C2orf92: variants seen among roughly 807,000 people sequenced by gnomAD.
C2orf92 encodes the protein uncharacterized protein C2orf92.
upstream of C2orf92, among the ~76,000 whole-genome samples, chr2:97,666,699 C>T (rs980148326): frequency 5.9e-5 from 9 of 151,394 alleles, no homozygotes; most frequent in South Asian, 2.1e-4. Context: ...AAAAATTAGC[C>T]GGGCATGATG....
chr2:97,691,683 G>A (rs747994437), intron 5 of C2orf92, among the ~76,000 whole-genome samples: 24 of 152,216 alleles, frequency 1.6e-4, no homozygotes, highest in Non-Finnish European at 2.5e-4. Context: ...GCATCAGCCG[G>A]AGGTCAGGGT....
intron 5 of C2orf92, among the ~76,000 whole-genome samples, chr2:97,691,876 G>A (rs188975059): frequency 2.6e-5 from 4 of 152,206 alleles, no homozygotes; most frequent in African/African-American, 4.8e-5. Flanking sequence ...CAACAAGAGC[G>A]AAACTCCGTG....
chr2:97,686,928 G>A (rs1039088720), intron 3 of C2orf92, among the ~76,000 whole-genome samples: 3 of 152,136 alleles, frequency 2.0e-5, no homozygotes, highest in African/African-American at 7.2e-5. Context: ...TGAGGTGGGA[G>A]GATCATTTGA....
At chr2:97,665,301 A>G (rs1313090141), upstream of C2orf92, among the ~76,000 whole-genome samples, 1 of 152,240 alleles carries the variant, frequency 6.6e-6, no homozygotes, top group Non-Finnish European at 1.5e-5. Flanking sequence ...ACAAGTGTAC[A>G]TGTACATTTC....
rs1675662469 is a variant in C2orf92 at position 97,678,682 on chromosome 2, G to A, written c.232+2754G>A. ...TTCAAAGTTCTGAAAGAAAAATAAT[G>A]TAATCAGCAGGGCATGGTGGCTCAT... On this transcript the variant is annotated intron_variant, in intron 3 of 7. Transcript: ENST00000627399. 5.9e-5 allele frequency among the ~76,000 whole-genome samples: 9 copies of A among 151,900 alleles called. No individual in the cohort carries two copies. In the South Asian group the frequency reaches 1.9e-3, roughly 32 times the overall value.
At chr2:97,701,021 G>A (rs995227662) in intron 6 of C2orf92, 133 bp from the exon 7 acceptor site, 10 of 377,022 alleles carry the variant, frequency 2.7e-5, no homozygotes, top group African/African-American at 1.5e-4. Flanking sequence ...GTGAGCCACC[G>A]CGCCCGGCCG....
upstream of C2orf92, chr2:97,663,948 G>A (rs1573188310): frequency 1.0e-6 from 1 of 996,302 alleles, no homozygotes; most frequent in Non-Finnish European, 1.3e-6. Flanking sequence ...CGGATGGGCG[G>A]GCGGGCGGGA....
intron 4 of C2orf92, 79 bp from the exon 5 acceptor site, chr2:97,690,177 A>C: frequency 7.7e-6 from 3 of 387,492 alleles, no homozygotes; most frequent in Non-Finnish European, 1.4e-5. Flanking sequence ...AATACAAAAT[A>C]TGGGCCCAAG....
chr2:97,671,414 T>G (rs1675408235), intron 1 of C2orf92: 1 of 398,358 alleles, frequency 2.5e-6, no homozygotes, highest in Non-Finnish European at 4.4e-6. Flanking sequence ...CCCCGAGTGC[T>G]GGGATTAAAG....
At chr2:97,686,688 G>C (rs1014814205) in intron 3 of C2orf92, among the ~76,000 whole-genome samples, 3 of 152,012 alleles carry the variant, frequency 2.0e-5, no homozygotes, top group African/African-American at 7.2e-5. Context: ...AAAGTGTTGG[G>C]ATTACAGGCA....
chr2:97,686,146 G>T (rs897883041), intron 3 of C2orf92, among the ~76,000 whole-genome samples: 13 of 152,234 alleles, frequency 8.5e-5, no homozygotes, highest in Admixed American at 4.6e-4. Context: ...TGCCATAGAG[G>T]TGGAAAGCGG....
chr2:97,687,447 G>A (rs913257168), intron 3 of C2orf92, among the ~76,000 whole-genome samples: 4 of 152,138 alleles, frequency 2.6e-5, no homozygotes, highest in South Asian at 2.1e-4. Flanking sequence ...CAAAGCCAAG[G>A]CCCAAGGAAG....
chr2:97,692,407 C>CTTTT (rs755849117), intron 5 of C2orf92, among the ~76,000 whole-genome samples: 134 of 119,330 alleles, frequency 1.1e-3, no homozygotes, highest in Middle Eastern at 4.4e-3. Context: ...AGTTTTACTT[C>CTTTT]TTTTTTTTTT....
At chr2:97,689,935 C>A (rs1676072876) in intron 4 of C2orf92, among the ~76,000 whole-genome samples, 1 of 152,086 alleles carries the variant, frequency 6.6e-6, no homozygotes, top group Non-Finnish European at 1.5e-5. Flanking sequence ...TCGAGACCAG[C>A]CTGACCAACA....
chr2:97,699,371 G>A (rs1399816491), intron 6 of C2orf92, among the ~76,000 whole-genome samples: 1 of 152,106 alleles, frequency 6.6e-6, no homozygotes, highest in Non-Finnish European at 1.5e-5. Flanking sequence ...CAAGGTGGGC[G>A]GATCACCTGA....
chr2:97,663,996 G>A (rs1675112129), upstream of C2orf92: 6 of 641,886 alleles, frequency 9.3e-6, no homozygotes, highest in East Asian at 9.1e-5. Flanking sequence ...CGGCGCCGCT[G>A]CCCTCCCTCC....
At chr2:97,694,040 C>T (rs1676224622) in intron 5 of C2orf92, among the ~76,000 whole-genome samples, 1 of 152,084 alleles carries the variant, frequency 6.6e-6, no homozygotes, top group Admixed American at 6.6e-5. Context: ...AAAACCAAAA[C>T]TCTATACTCA....
rs549690645 is a variant in C2orf92 at position 97,702,868 on chromosome 2, C to T, written c.*67C>T. ...TGCGAGGACATTCTCCATCTGCGCA[C>T]CACAGGGAGGCAATTCCATTTCTGC... On this transcript the variant is annotated 3_prime_UTR_variant, in exon 8 of 8. Coordinates refer to ENST00000627399, the MANE Select transcript of C2orf92 (RefSeq NM_001351368.2). 2.5e-6 allele frequency: 1 copy of T among 398,556 alleles called. No homozygotes were observed. Among genetic ancestry groups the T allele is most frequent in the African/African-American group, 2.1e-5 (1 of 48,738 alleles). 24.7% of individuals were successfully genotyped at this position (398,556 alleles called of 1,614,324 possible).
chr2:97,685,474 C>T (rs1052812462), intron 3 of C2orf92, among the ~76,000 whole-genome samples: 1 of 152,034 alleles, frequency 6.6e-6, no homozygotes, highest in Non-Finnish European at 1.5e-5. Context: ...ACTGTGTTAG[C>T]CAGGATGGTC....
Sources: allele counts gnomAD v4.1 joint callset (sites outside exome capture counted in the v4.1 genomes callset), GRCh38; gene constraint gnomAD v4.1.1; transcripts MANE v1.5; gene names NCBI Gene and HGNC (gene_info 2026-07-23, HGNC 2026-07-21).